The following WWOX variants were observed in gnomAD, a reference collection of about 807,000 sequenced individuals.
WWOX encodes the protein WW domain-containing oxidoreductase.
In WWOX, 69 loss-of-function variants were observed where a neutral mutation model predicts 46.2. The ratio of observed to expected loss-of-function variants is 1.49; its 90% confidence interval spans 1.23 to 1.82. The LOEUF is 1.82. WWOX is among the 40% of genes most tolerant of loss of function. WWOX has a pLI of 0.00. For missense variants in WWOX, 919 were observed against 542.6 expected, an observed-to-expected ratio of 1.69 and a Z score of -6.89; for synonymous variants, 359 against 202.6, an observed-to-expected ratio of 1.77 and a Z score of -6.56.
intron 8 of WWOX, among the ~76,000 whole-genome samples, chr16:79,157,815 G>C (rs2050411002): frequency 6.6e-6 from 1 of 152,158 alleles, no homozygotes; most frequent in Admixed American, 6.5e-5. Context: ...GTCAAACCGT[G>C]GGTTCTGTGG....
chr16:79,200,574 T>C (rs1355986828), intron 8 of WWOX, among the ~76,000 whole-genome samples: 1 of 152,070 alleles, frequency 6.6e-6, no homozygotes, highest in East Asian at 1.9e-4. Context: ...TCAGAAGTAA[T>C]AACAGGTCGT....
rs144292444 is a variant in WWOX at position 78,547,386 on chromosome 16, C to G, written c.1056+114634C>G. Among the ~76,000 whole-genome samples the G allele has an allele frequency of 7.2e-5, 11 of 152,242 alleles. No individual in the cohort carries two copies. The East Asian group carries it at 1.9e-3, about 27-fold the overall frequency. ...TAGATGTGTATCTAAGGTCACATAG[C>G]TCACAAACGACACAGCATGCACCCA... is the stretch of plus-strand genomic sequence containing the variant. On this transcript the variant is annotated intron_variant, in intron 8 of 8. Coordinates refer to ENST00000566780, the MANE Select transcript of WWOX (RefSeq NM_016373.4).
At chr16:78,530,067 C>G (rs904811941) in intron 8 of WWOX, among the ~76,000 whole-genome samples, 1 of 152,158 alleles carries the variant, frequency 6.6e-6, no homozygotes, top group African/African-American at 2.4e-5. Flanking sequence ...CACTCCACCC[C>G]TTCTGGGAGG....
At chr16:78,864,521 G>C (rs1312636599) in intron 8 of WWOX, among the ~76,000 whole-genome samples, 1 of 151,986 alleles carries the variant, frequency 6.6e-6, no homozygotes, top group African/African-American at 2.4e-5. Context: ...CGCCTGCCTT[G>C]GCCTCCCAAA....
intron 8 of WWOX, among the ~76,000 whole-genome samples, chr16:78,921,177 C>G (rs1050319281): frequency 6.6e-6 from 1 of 151,800 alleles, no homozygotes; most frequent in African/African-American, 2.4e-5. Flanking sequence ...TTTTCAAACA[C>G]TGTAATGAGG....
rs569906120 is a variant in WWOX at position 79,204,514 on chromosome 16, T to C, written c.1057-7094T>C. ...TTCTGAATGTTACAACTCGTCCCAT[T>C]TAAGGCTAGACATAAATCTATCACA... On this transcript the variant is annotated intron_variant, in intron 8 of 8. Coordinates refer to ENST00000566780, the MANE Select transcript of WWOX (RefSeq NM_016373.4). 4.6e-5 allele frequency: 7 copies of C among 152,272 alleles called. No homozygotes were observed. In the South Asian group the frequency reaches 1.0e-3, roughly 23 times the overall value. The allele number at this position is 152,272 out of a possible 1,614,324, so 9.4% of individuals were successfully genotyped here. A position where few individuals can be genotyped will look rare whatever the true frequency, so the allele number is the denominator to read the frequency against.
At chr16:78,850,790 T>A (rs2052423943) in intron 8 of WWOX, among the ~76,000 whole-genome samples, 1 of 152,232 alleles carries the variant, frequency 6.6e-6, no homozygotes, top group Non-Finnish European at 1.5e-5. Context: ...TTGATACCCC[T>A]GGTCTTTGAG....
At chr16:78,161,352 C>T (rs1054736680) in intron 4 of WWOX, among the ~76,000 whole-genome samples, 1 of 151,752 alleles carries the variant, frequency 6.6e-6, no homozygotes, top group African/African-American at 2.4e-5. Context: ...TTAAGTTATT[C>T]TATATTCCTC....
chr16:78,185,345 G>A (rs1010406797), intron 5 of WWOX, among the ~76,000 whole-genome samples: 2 of 152,128 alleles, frequency 1.3e-5, no homozygotes, highest in Non-Finnish European at 2.9e-5. Flanking sequence ...CTCTGTAACC[G>A]CACTGTTTAA....
intron 8 of WWOX, among the ~76,000 whole-genome samples, chr16:78,767,641 C>G (rs1326120859): frequency 6.6e-6 from 1 of 152,078 alleles, no homozygotes; most frequent in East Asian, 1.9e-4. Flanking sequence ...TGAGAAACTG[C>G]CAAACTGTCT....
At chr16:78,472,546 C>A (rs895928907) in intron 8 of WWOX, among the ~76,000 whole-genome samples, 1 of 152,054 alleles carries the variant, frequency 6.6e-6, no homozygotes, top group African/African-American at 2.4e-5. Context: ...CAGTGGCTCA[C>A]GCCTGTAATC....
intron 8 of WWOX, among the ~76,000 whole-genome samples, chr16:78,779,432 G>A (rs773597067): frequency 1.6e-4 from 25 of 152,082 alleles, no homozygotes; most frequent in Non-Finnish European, 2.6e-4. Context: ...CACCGTGTCC[G>A]GCCCCCCTTT....
At chr16:78,458,772 G>C (rs1423355497) in intron 8 of WWOX, among the ~76,000 whole-genome samples, 1 of 152,206 alleles carries the variant, frequency 6.6e-6, no homozygotes, top group East Asian at 1.9e-4. Context: ...ACCAGTACTA[G>C]TGTCTGCTAA....
intron 5 of WWOX, among the ~76,000 whole-genome samples, chr16:78,319,615 ATG>A (rs2080424193): frequency 6.6e-6 from 1 of 152,128 alleles, no homozygotes; most frequent in Non-Finnish European, 1.5e-5. Context: ...AAAAGAATAA[ATG>A]TGTGTTATTT....
At chr16:79,105,425 C>A (rs1567553583) in intron 8 of WWOX, among the ~76,000 whole-genome samples, 1 of 152,148 alleles carries the variant, frequency 6.6e-6, no homozygotes, top group Non-Finnish European at 1.5e-5. Flanking sequence ...TATACACCTT[C>A]CCTTATCCCT....
At chr16:78,938,482 T>G (rs1161955310) in intron 8 of WWOX, among the ~76,000 whole-genome samples, 2 of 151,918 alleles carry the variant, frequency 1.3e-5, no homozygotes, top group African/African-American at 4.8e-5. Context: ...ATGAGTTTTC[T>G]ATCTCCTGCT....
At chr16:78,385,134 AACACACAC>A (rs61262578) in intron 5 of WWOX, among the ~76,000 whole-genome samples, 2 of 143,050 alleles carry the variant, frequency 1.4e-5, no homozygotes, top group Non-Finnish European at 3.0e-5. Flanking sequence ...ACTCCATCTA[AACACACAC>A]ACACACACAC....
chr16:79,028,447 A>G (rs537327993), intron 8 of WWOX, among the ~76,000 whole-genome samples: 5 of 151,918 alleles, frequency 3.3e-5, no homozygotes, highest in South Asian at 4.1e-4. Flanking sequence ...TTTGATTAGG[A>G]CATTTTACTG....
At chr16:79,177,060 C>T (rs552917400) in intron 8 of WWOX, among the ~76,000 whole-genome samples, 1 of 152,276 alleles carries the variant, frequency 6.6e-6, no homozygotes, top group East Asian at 1.9e-4. Context: ...TTCATGGGAT[C>T]ACCTACAAAG....
Sources: allele counts gnomAD v4.1 joint callset (sites outside exome capture counted in the v4.1 genomes callset), GRCh38; gene constraint gnomAD v4.1.1; transcripts MANE v1.5; gene names NCBI Gene and HGNC (gene_info 2026-07-23, HGNC 2026-07-21).